Variants in ATP9B observed in about 807,000 individuals in gnomAD.
The protein encoded by ATP9B is ATPase phospholipid transporting 9B.
Under a neutral mutation model 146.1 loss-of-function variants are expected in ATP9B, and 110 were observed. The ratio of observed to expected loss-of-function variants is 0.75; its 90% CI spans 0.65 to 0.88. The LOEUF is 0.88. Among genes scored for constraint, ATP9B ranks in the 40% least tolerant of loss-of-function variants. ATP9B has a pLI of 0.00. For missense variants in ATP9B, 1,499 were observed against 1,496.4 expected (o/e 1.00, Z -0.03); for synonymous variants, 604 against 569.7 (o/e 1.06, Z -0.86).
intron 9 of ATP9B, among the ~76,000 whole-genome samples, chr18:79,198,754 G>A (rs2095439514): frequency 6.6e-6 from 1 of 152,166 alleles, no homozygotes; most frequent in Non-Finnish European, 1.5e-5. Flanking sequence ...TGATACACCT[G>A]TATAGAGTAC....
At chr18:79,074,756 A>G (rs1240294211) in intron 1 of ATP9B, among the ~76,000 whole-genome samples, 1 of 152,212 alleles carries the variant, frequency 6.6e-6, no homozygotes, top group Non-Finnish European at 1.5e-5. Context: ...CTCTTGCTTA[A>G]TTACTAGGAT....
At chr18:79,101,651 A>G (rs2146855691) in intron 2 of ATP9B, among the ~76,000 whole-genome samples, 1 of 152,322 alleles carries the variant, frequency 6.6e-6, no homozygotes, top group Non-Finnish European at 1.5e-5. Context: ...CATTTGCACT[A>G]GCAGTGTTTG....
At chr18:79,103,274 T>G (rs577311303) in intron 2 of ATP9B, among the ~76,000 whole-genome samples, 15 of 146,538 alleles carry the variant, frequency 1.0e-4, no homozygotes, top group South Asian at 6.3e-4. Flanking sequence ...GTAGTTTTTT[T>G]TTTTTTTTTT....
chr18:79,253,615 G>A, intron 12 of ATP9B, 74 bp downstream of exon 12: 4 of 1,422,494 alleles, frequency 2.8e-6, no homozygotes, highest in Non-Finnish European at 3.8e-6. Flanking sequence ...ATCTTTCTCA[G>A]TATGAAAGAA....
chr18:79,298,958 C>G (rs2096571359), intron 13 of ATP9B, among the ~76,000 whole-genome samples: 1 of 112,838 alleles, frequency 8.9e-6, no homozygotes, highest in Non-Finnish European at 2.0e-5. Context: ...CTGAGCTGCT[C>G]TTCGAGGTCT....
At chr18:79,235,673 G>A (rs1247055330) in intron 11 of ATP9B, among the ~76,000 whole-genome samples, 1 of 151,820 alleles carries the variant, frequency 6.6e-6, no homozygotes, top group African/African-American at 2.4e-5. Context: ...CCCAGCTCCC[G>A]GGAGTGTCCC....
chr18:79,238,530 C>T (rs2095862610), intron 11 of ATP9B, among the ~76,000 whole-genome samples: 1 of 152,176 alleles, frequency 6.6e-6, no homozygotes, highest in Admixed American at 6.5e-5. Flanking sequence ...CGTGTACTCC[C>T]TGGTCTTGGG....
chr18:79,200,750 T>TGGAGGTGGGGC (rs1568388680), intron 9 of ATP9B, among the ~76,000 whole-genome samples: 1 of 73,882 alleles, frequency 1.4e-5, no homozygotes, highest in Non-Finnish European at 2.7e-5. Flanking sequence ...AGAGCAGAGG[T>TGGAGGTGGGGC]GGAGGTGGGA....
chr18:79,219,685 C>A (rs2095660057), intron 11 of ATP9B, among the ~76,000 whole-genome samples: 1 of 152,134 alleles, frequency 6.6e-6, no homozygotes, highest in Non-Finnish European at 1.5e-5. Flanking sequence ...CCTCCCTCTC[C>A]TTCCGTCCTT....
intron 4 of ATP9B, among the ~76,000 whole-genome samples, chr18:79,114,380 C>T (rs1323981216): frequency 6.6e-6 from 1 of 152,196 alleles, no homozygotes; most frequent in South Asian, 2.1e-4. Flanking sequence ...CGGGGTTCCA[C>T]ATGAGTTGTG....
intron 9 of ATP9B, among the ~76,000 whole-genome samples, chr18:79,201,185 A>G (rs1011512209): frequency 6.6e-6 from 1 of 152,208 alleles, no homozygotes; most frequent in Non-Finnish European, 1.5e-5. Flanking sequence ...GATGTTTTCT[A>G]ACAGTTTTTT....
chr18:79,242,235 A>G (rs2095896426), intron 11 of ATP9B, among the ~76,000 whole-genome samples: 1 of 152,206 alleles, frequency 6.6e-6, no homozygotes, highest in African/African-American at 2.4e-5. Flanking sequence ...TTTACGGAAG[A>G]CTTCTTTAAT....
At chr18:79,117,339 T>A (rs1789263) in intron 4 of ATP9B, 20,778 of 152,086 alleles carry the variant, frequency 0.14, 2,019 homozygotes, top group African/African-American at 0.27. Context: ...CACGTAGCCA[T>A]CCATCAGGCT....
intron 8 of ATP9B, among the ~76,000 whole-genome samples, chr18:79,187,170 C>T (rs2095315377): frequency 6.6e-6 from 1 of 152,224 alleles, no homozygotes; most frequent in South Asian, 2.1e-4. Context: ...TGGGAAGCAT[C>T]TTGTTCTGTG....
At chr18:79,228,335 G>GGGCT (rs1231680747) in intron 11 of ATP9B, among the ~76,000 whole-genome samples, 3 of 152,240 alleles carry the variant, frequency 2.0e-5, no homozygotes, top group Non-Finnish European at 4.4e-5. Flanking sequence ...ATAAATACAG[G>GGGCT]GGCTGACACA....
rs1337585100 is a variant in ATP9B at position 79,126,247 on chromosome 18, T to TA, written c.559-19dup. The stretch of plus-strand genomic sequence containing the variant: ...TTGTTAAAGTTTAGTTTTCTAAAAA[T>TA]ACCTTATTTTGTTTTATAGGGATTT... On this transcript the variant is annotated intron_variant, in intron 4 of 29. Transcript: ENST00000426216. The TA allele has an allele frequency of 6.4e-7, 1 of 1,564,484 alleles. No individual in the cohort carries two copies. The highest frequency in any genetic ancestry group is 8.7e-7 in the Non-Finnish European group (1 of 1,150,614).
chr18:79,364,083 C>CG (rs2097010258), intron 26 of ATP9B: 1 of 152,110 alleles, frequency 6.6e-6, no homozygotes, highest in South Asian at 2.1e-4. Context: ...CTGGCTAACA[C>CG]GGTGAAACAC....
At chr18:79,207,836 C>G (rs1189135106) in intron 10 of ATP9B, among the ~76,000 whole-genome samples, 1 of 152,154 alleles carries the variant, frequency 6.6e-6, no homozygotes, top group Non-Finnish European at 1.5e-5. Flanking sequence ...GTTCCATATC[C>G]TGTCCTCAGG....
intron 15 of ATP9B, chr18:79,307,563 G>C: frequency 3.8e-6 from 1 of 266,298 alleles, no homozygotes; most frequent in Non-Finnish European, 7.2e-6. Flanking sequence ...TTATAAAACT[G>C]TTGAAGTTTG....
Sources: gnomAD v4.1 joint callset for allele counts (sites outside exome capture counted in the v4.1 genomes callset) on GRCh38, gnomAD v4.1.1 for gene constraint, MANE v1.5 for transcripts, NCBI Gene and HGNC (gene_info 2026-07-23, HGNC 2026-07-21) for gene names.